The following ADCY8 variants were observed in gnomAD, a reference collection of about 807,000 sequenced individuals.
The protein encoded by ADCY8 is adenylate cyclase type 8.
In ADCY8, 51 loss-of-function variants were observed where a neutral mutation model predicts 119.7. That is an observed-to-expected ratio of 0.43 (90% CI 0.34 to 0.54). The LOEUF is 0.54. Among genes scored for constraint, ADCY8 ranks in the 20% least tolerant of loss-of-function variants. ADCY8 has a pLI of 0.03. For synonymous variants in ADCY8, 665 were observed against 651.0 expected, an observed-to-expected ratio of 1.02 and a Z score of -0.33; for missense variants, 1,383 against 1,598.8, an observed-to-expected ratio of 0.87 and a Z score of 2.30.
intron 2 of ADCY8, among the ~76,000 whole-genome samples, chr8:130,978,263 C>T (rs1224662019): frequency 1.3e-5 from 2 of 151,988 alleles, no homozygotes; most frequent in East Asian, 3.9e-4. Context: ...TATTTACATC[C>T]CTGTAATTAA....
At chr8:130,815,905 C>A (rs1816324237) in intron 13 of ADCY8, among the ~76,000 whole-genome samples, 1 of 152,232 alleles carries the variant, frequency 6.6e-6, no homozygotes, top group Non-Finnish European at 1.5e-5. Flanking sequence ...TTGGTTCCCT[C>A]TTGTCCTAGC....
At chr8:131,011,434 A>G (rs530618509) in intron 1 of ADCY8, among the ~76,000 whole-genome samples, 1 of 152,274 alleles carries the variant, frequency 6.6e-6, no homozygotes, top group South Asian at 2.1e-4. Flanking sequence ...ACCTGAAAGA[A>G]TCAAGTGACT....
At chr8:130,978,128 C>A (rs747674002) in intron 2 of ADCY8, among the ~76,000 whole-genome samples, 1 of 152,080 alleles carries the variant, frequency 6.6e-6, no homozygotes, top group Non-Finnish European at 1.5e-5. Context: ...ATATTAATTA[C>A]ATTACCATAG....
intron 3 of ADCY8, among the ~76,000 whole-genome samples, chr8:130,946,894 G>T (rs1821120726): frequency 6.6e-6 from 1 of 152,144 alleles, no homozygotes; most frequent in African/African-American, 2.4e-5. Context: ...GCACATTTAA[G>T]ACTCAGAAGC....
chr8:131,027,495 G>T (rs1823857314), intron 1 of ADCY8, among the ~76,000 whole-genome samples: 1 of 152,196 alleles, frequency 6.6e-6, no homozygotes, highest in African/African-American at 2.4e-5. Flanking sequence ...CGGAGCATGG[G>T]GTGGCTTGAT....
chr8:130,967,777 A>G (rs1254974586), intron 2 of ADCY8, among the ~76,000 whole-genome samples: 6 of 152,262 alleles, frequency 3.9e-5, no homozygotes, highest in African/African-American at 1.4e-4. Flanking sequence ...AAATACATCA[A>G]ACTGGGAACT....
At chr8:130,872,300 A>C (rs1217048964) in intron 8 of ADCY8, among the ~76,000 whole-genome samples, 2 of 152,214 alleles carry the variant, frequency 1.3e-5, no homozygotes, top group Non-Finnish European at 2.9e-5. Flanking sequence ...TCTTGTTTAT[A>C]ATATCCTCAC....
At chr8:130,939,093 A>AT (rs397961879) in intron 4 of ADCY8, among the ~76,000 whole-genome samples, 19,120 of 146,574 alleles carry the variant, frequency 0.13, 1,893 homozygotes, top group African/African-American at 0.28. Flanking sequence ...TGTAGGGTAC[A>AT]TTTTTTTTTT....
At chr8:130,902,863 A>T (rs1318679591) in intron 7 of ADCY8, among the ~76,000 whole-genome samples, 1 of 152,024 alleles carries the variant, frequency 6.6e-6, no homozygotes, top group East Asian at 1.9e-4. Flanking sequence ...AGTGTTATAT[A>T]TTGGCTATTT....
intron 12 of ADCY8, among the ~76,000 whole-genome samples, chr8:130,825,842 T>C (rs1388921486): frequency 6.6e-6 from 1 of 152,184 alleles, no homozygotes; most frequent in Non-Finnish European, 1.5e-5. Flanking sequence ...TGCCTGGTCT[T>C]TCTGTCTCTC....
At chr8:130,953,616 A>G (rs1466833545) in intron 2 of ADCY8, among the ~76,000 whole-genome samples, 1 of 152,156 alleles carries the variant, frequency 6.6e-6, no homozygotes, top group Non-Finnish European at 1.5e-5. Flanking sequence ...CTATCATTGG[A>G]TATCCATTAG....
chr8:130,974,172 C>A (rs1191705411), intron 2 of ADCY8, among the ~76,000 whole-genome samples: 1 of 152,246 alleles, frequency 6.6e-6, no homozygotes, highest in East Asian at 1.9e-4. Context: ...ACCTCCCTAA[C>A]TTCTGAGCTT....
At chr8:130,922,090 C>G (rs1053786979) in intron 5 of ADCY8, among the ~76,000 whole-genome samples, 5 of 152,128 alleles carry the variant, frequency 3.3e-5, no homozygotes, top group Admixed American at 6.5e-5. Flanking sequence ...TCATAAGATG[C>G]CCTGTGCCTC....
At chr8:130,853,642 G>A (rs1011621615) in intron 9 of ADCY8, among the ~76,000 whole-genome samples, 1 of 151,318 alleles carries the variant, frequency 6.6e-6, no homozygotes, top group Admixed American at 6.6e-5. Flanking sequence ...ATGGCGGGGA[G>A]TTCATCAGGG....
At chr8:130,794,354 C>T (rs1291537468) in intron 15 of ADCY8, among the ~76,000 whole-genome samples, 1 of 152,198 alleles carries the variant, frequency 6.6e-6, no homozygotes, top group East Asian at 1.9e-4. Flanking sequence ...AAGTGATTCT[C>T]CTGCCTCAGC....
At chr8:130,813,632 C>G (rs1399920599) in intron 14 of ADCY8, among the ~76,000 whole-genome samples, 1 of 152,102 alleles carries the variant, frequency 6.6e-6, no homozygotes, top group Non-Finnish European at 1.5e-5. Flanking sequence ...ATCTATTCGT[C>G]CATCAGTGGA....
intron 9 of ADCY8, among the ~76,000 whole-genome samples, chr8:130,866,573 G>A (rs1818131593): frequency 6.6e-6 from 1 of 152,150 alleles, no homozygotes. Context: ...CCTTGCCAGA[G>A]CAGTTTTCCA....
intron 1 of ADCY8, among the ~76,000 whole-genome samples, chr8:130,995,809 T>C (rs1342494324): frequency 1.3e-5 from 2 of 152,166 alleles, no homozygotes; most frequent in Admixed American, 1.3e-4. Flanking sequence ...TATCACAAAT[T>C]GTAATTATAT....
In ADCY8 at chr8:130,951,886, T is replaced by G. The variant is rs1382831724; in HGVS notation, c.1223A>C (p.His408Pro). The G allele has an allele frequency of 6.2e-7, 1 of 1,614,110 alleles. No homozygotes were observed. ...TTCTCACCTGACGTTCTCATAGCGA[T>G]GGATGTAGATCCGATGGAACTGGTG... The part of the protein sequence containing the change: ...LQHQFHRIYI[H>P]RYENVSILFA... The change falls in exon 3 of 18, where the codon CAT (histidine) becomes CCT (proline). Residue 408 changes from histidine to proline, a missense_variant. By Grantham distance (77) the His-to-Pro change is moderately conservative. Transcript: ENST00000286355.
Sources: allele counts gnomAD v4.1 joint callset (sites outside exome capture counted in the v4.1 genomes callset), GRCh38; gene constraint gnomAD v4.1.1; transcripts MANE v1.5; gene names NCBI Gene and HGNC (gene_info 2026-07-23, HGNC 2026-07-21).